Variants in PTPRN2 observed in about 807,000 individuals in gnomAD.
PTPRN2 encodes protein tyrosine phosphatase receptor type N2, also known as receptor-type tyrosine-protein phosphatase N2.
In PTPRN2, 74 loss-of-function variants were observed where a neutral mutation model predicts 118.8. The observed-to-expected ratio is 0.62, with a 90% confidence interval of 0.52 to 0.76. The LOEUF (loss-of-function observed/expected upper bound fraction) is 0.76, where lower values mean the gene tolerates loss of function less well. Among genes scored for constraint, PTPRN2 ranks in the 30% least tolerant of loss-of-function variants. The pLI is 0.00. For synonymous variants in PTPRN2, 641 were observed against 608.0 expected (o/e 1.05, Z -0.80); for missense variants, 1,481 against 1,394.4 (o/e 1.06, Z -0.99).
intron 3 of PTPRN2, among the ~76,000 whole-genome samples, chr7:158,206,090 C>G (rs904656558): frequency 2.6e-5 from 4 of 152,192 alleles, no homozygotes; most frequent in African/African-American, 9.7e-5. Context: ...TAGTAAGGTA[C>G]TAGCTGGCAC....
At chr7:157,642,419 A>G (rs1366701611) in intron 14 of PTPRN2, among the ~76,000 whole-genome samples, 1 of 152,216 alleles carries the variant, frequency 6.6e-6, no homozygotes, top group African/African-American at 2.4e-5. Flanking sequence ...CAGGCCCTGA[A>G]CTGCTGTGAT....
At chr7:158,148,814 C>G (rs1820510018) in intron 6 of PTPRN2, among the ~76,000 whole-genome samples, 1 of 59,504 alleles carries the variant, frequency 1.7e-5, no homozygotes, top group African/African-American at 6.5e-5. Context: ...CTTTCCCCCT[C>G]AATGACACCC....
At chr7:158,406,501 G>A (rs111340112) in intron 2 of PTPRN2, among the ~76,000 whole-genome samples, 15 of 152,362 alleles carry the variant, frequency 9.8e-5, no homozygotes, top group East Asian at 9.6e-4. Flanking sequence ...CTGAGATCCC[G>A]CAGTGGTGCT....
intron 1 of PTPRN2, among the ~76,000 whole-genome samples, chr7:158,536,218 T>C (rs895212319): frequency 6.6e-6 from 1 of 152,100 alleles, no homozygotes; most frequent in African/African-American, 2.4e-5. Context: ...AATCATCACC[T>C]CCTCCTCTGG....
chr7:157,789,013 G>A (rs112064575), intron 12 of PTPRN2, among the ~76,000 whole-genome samples: 67 of 152,272 alleles, frequency 4.4e-4, no homozygotes, highest in African/African-American at 1.1e-3. Flanking sequence ...AGCTGTCACC[G>A]TAACAGTCAC....
rs1036358267 is a variant in PTPRN2 at position 158,555,994 on chromosome 7, T to C, written c.112+31564A>G. Among the ~76,000 whole-genome samples the C allele has an allele frequency of 5.3e-5, 8 of 152,238 alleles. No homozygotes were observed. Among genetic ancestry groups the C allele is most frequent in the Non-Finnish European group, 5.9e-5 (4 of 68,040 alleles). On this transcript the variant is annotated intron_variant, in intron 1 of 22. Coordinates refer to ENST00000389418, the MANE Select transcript of PTPRN2 (RefSeq NM_002847.5). This position sits in a 1 kb window ranked among gnomAD's most constrained non-coding sequence, Gnocchi z 4.7. ...AATCAAAACAGCCTTGGAATGTCCT[T>C]CTTTACTAGATCAACAGATGGTTGT...
intron 1 of PTPRN2, among the ~76,000 whole-genome samples, chr7:158,568,421 A>G (rs935838803): frequency 2.0e-5 from 3 of 152,118 alleles, no homozygotes; most frequent in Admixed American, 1.3e-4. Flanking sequence ...CGGTAGGAAC[A>G]TCACATGCTT....
At chr7:157,812,334 G>A (rs1024855987) in intron 12 of PTPRN2, among the ~76,000 whole-genome samples, 4 of 152,168 alleles carry the variant, frequency 2.6e-5, no homozygotes, top group Non-Finnish European at 4.4e-5. Context: ...TGGGGCACCT[G>A]TTTCGCTTTT....
chr7:157,870,950 C>A (rs536292223), intron 12 of PTPRN2, among the ~76,000 whole-genome samples: 1 of 152,192 alleles, frequency 6.6e-6, no homozygotes, highest in Non-Finnish European at 1.5e-5. Context: ...GTTTATTGGG[C>A]GTTCGATGTT....
At chr7:158,528,679 A>G (rs531120515) in intron 1 of PTPRN2, among the ~76,000 whole-genome samples, 124 of 151,950 alleles carry the variant, frequency 8.2e-4, no homozygotes, top group South Asian at 4.0e-3. Flanking sequence ...CTGTACTTCC[A>G]GCTACTCGGG....
chr7:158,284,501 A>G (rs1291103468), intron 3 of PTPRN2, among the ~76,000 whole-genome samples: 1 of 152,126 alleles, frequency 6.6e-6, no homozygotes, highest in Non-Finnish European at 1.5e-5. Context: ...GCCCAGTGCC[A>G]CTCTGGTAAT....
rs1459307963 is a variant in PTPRN2, at chr7:158,474,603, C to T, written c.163+15132G>A. 2.0e-5 allele frequency among the ~76,000 whole-genome samples: 3 copies of T among 152,042 alleles called. No homozygotes were observed. The East Asian group carries it at 5.8e-4, about 29-fold the overall frequency. On this transcript the variant is annotated intron_variant, in intron 2 of 22. Coordinates refer to ENST00000389418, the MANE Select transcript of PTPRN2 (RefSeq NM_002847.5). ...GCCACCTCCACCAGAGTCAACCGCC[C>T]AGCAGAATGTGGGCACCCCTCCTCC...
At chr7:157,592,128 C>T (rs553168480) in intron 17 of PTPRN2, among the ~76,000 whole-genome samples, 11 of 152,262 alleles carry the variant, frequency 7.2e-5, no homozygotes, top group Non-Finnish European at 1.5e-4. Context: ...TAAAATTTGT[C>T]TCTACTTATT....
chr7:158,072,356 A>C (rs1216483904), intron 11 of PTPRN2, among the ~76,000 whole-genome samples: 2 of 152,012 alleles, frequency 1.3e-5, no homozygotes, highest in East Asian at 3.9e-4. Flanking sequence ...TCATCATGTA[A>C]ATTTTCAAGA....
At chr7:158,579,673 A>G (rs955593937) in intron 1 of PTPRN2, among the ~76,000 whole-genome samples, 4 of 152,242 alleles carry the variant, frequency 2.6e-5, no homozygotes, top group Non-Finnish European at 4.4e-5. Flanking sequence ...AAACAGCCAC[A>G]TATTCCCTAT....
chr7:158,515,348 G>C (rs1403468910), intron 1 of PTPRN2, among the ~76,000 whole-genome samples: 1 of 151,938 alleles, frequency 6.6e-6, no homozygotes. Context: ...CACCATGCCT[G>C]GCTAATTTTT....
intron 17 of PTPRN2, among the ~76,000 whole-genome samples, chr7:157,588,248 C>T (rs1800785556): frequency 1.3e-5 from 2 of 152,200 alleles, no homozygotes; most frequent in Non-Finnish European, 1.5e-5. Context: ...GCAGCTCTTT[C>T]TAAAAATAGG....
chr7:158,284,679 G>C (rs1450678961), intron 3 of PTPRN2, among the ~76,000 whole-genome samples: 2 of 152,184 alleles, frequency 1.3e-5, no homozygotes, highest in East Asian at 3.9e-4. Flanking sequence ...GACCCTCCCT[G>C]CCATCCCACC....
intron 11 of PTPRN2, among the ~76,000 whole-genome samples, chr7:157,994,723 T>C (rs60065382): frequency 0.53 from 8,828 of 16,672 alleles, 2,596 homozygotes; most frequent in East Asian, 0.82. Flanking sequence ...ATCAACGCCG[T>C]GTCCCCAGCT....
Sources: gnomAD v4.1 joint callset for allele counts (sites outside exome capture counted in the v4.1 genomes callset) on GRCh38, gnomAD v4.1.1 for gene constraint, Gnocchi (gnomAD v3.1) non-coding constraint, MANE v1.5 for transcripts, NCBI Gene and HGNC (gene_info 2026-07-23, HGNC 2026-07-21) for gene names.